The following TMC6 variants were observed in gnomAD, a reference collection of about 807,000 sequenced individuals.
The protein encoded by TMC6 is transmembrane channel-like protein 6.
A neutral mutation model predicts 95.4 loss-of-function variants in TMC6; 71 were observed. That is an observed-to-expected ratio of 0.74 (90% CI 0.61 to 0.91). TMC6 has a LOEUF of 0.91. Among genes scored for constraint, TMC6 ranks in the 40% least tolerant of loss-of-function variants. TMC6 has a pLI of 0.00. For synonymous variants in TMC6, 514 were observed against 483.1 expected (o/e 1.06, Z -0.84); for missense variants, 1,074 against 1,079.1 (o/e 1.00, Z 0.07).
upstream of TMC6, among the ~76,000 whole-genome samples, chr17:78,129,643 G>T (rs983575022): frequency 5.3e-5 from 8 of 152,120 alleles, no homozygotes; most frequent in African/African-American, 1.9e-4. This position sits in a 1 kb window ranked among gnomAD's most constrained non-coding sequence, Gnocchi z 4.3. Flanking sequence ...GCAAGCAAAA[G>T]CGAGGACCAG....
In TMC6 at chr17:78,126,304, G is replaced by T; in HGVS notation, c.244C>A (p.Leu82Met). 1.3e-6 allele frequency: 2 copies of T among 1,565,864 alleles called. No homozygotes were observed. The change falls in exon 4 of 20, where the codon CTG becomes ATG. Residue 82 changes from leucine (L) to methionine (M), a missense_variant. By Grantham distance (15) the Leu-to-Met change is conservative. Coordinates refer to ENST00000590602, the MANE Select transcript of TMC6 (RefSeq NM_001127198.5). Reference sequence around the variant, plus strand: ...ATGGTGCGGCTGGGCATGCTGGCCAGGATGCGGAGTGTGGCCGTGCTCTGG... The same window carrying T: ...ATGGTGCGGCTGGGCATGCTGGCCATGATGCGGAGTGTGGCCGTGCTCTGG... Reference protein sequence around the residue: ...GTQSTATLRILASMPSRTIGR... With the variant: ...GTQSTATLRIMASMPSRTIGR...
In TMC6 at chr17:78,109,523, C is replaced by T. The variant is rs2073782242; in HGVS notation, c.*3625G>A. On this transcript the variant is annotated 3_prime_UTR_variant, in exon 20 of 20. Coordinates refer to ENST00000590602, the MANE Select transcript of TMC6 (RefSeq NM_001127198.5). ...ATCATGAAAACCAGAAGCAGACACT[C>T]AGGAGGCTGAGGCGGGAGGATCACC... The T allele has an allele frequency of 1.1e-5, 5 of 456,518 alleles. No homozygotes were observed. 28.3% of individuals were successfully genotyped at this position (456,518 alleles called of 1,614,324 possible). A position where few individuals can be genotyped will look rare whatever the true frequency, so the allele number is the denominator to read the frequency against.
chr17:78,124,873 G>C lies in TMC6; in HGVS notation c.633+16C>G, dbSNP rs117304514. On this transcript the variant is annotated intron_variant, in intron 7 of 19. Transcript: ENST00000590602. The stretch of plus-strand genomic sequence containing the variant: ...GCCCAGCCGCCCCAGCCCCAGGGCA[G>C]ACCAGGGGCCCATACCAGCACGCAG... 6.3e-7 allele frequency: 1 copy of C among 1,592,536 alleles called. No individual in the cohort carries two copies. Among genetic ancestry groups the C allele is most frequent in the Non-Finnish European group, 8.5e-7 (1 of 1,170,754 alleles).
chr17:78,128,411 T>G lies in TMC6; in HGVS notation c.-75+201A>C, dbSNP rs1055031962. 1.2e-4 allele frequency among the ~76,000 whole-genome samples: 18 copies of G among 151,870 alleles called. No individual in the cohort carries two copies. The highest frequency in any genetic ancestry group is 3.4e-3 in the Middle Eastern group (1 of 294). On this transcript the variant is annotated intron_variant, in intron 1 of 19. Transcript: ENST00000590602. The surrounding 1 kb of genome is among the most constrained non-coding windows in gnomAD (Gnocchi z 4.0). ...GGGCTGCGGATTTTGCTCCCCGCAC[T>G]GTCCTCCCCGCCCCTGCCGCTCCCA...
At position 78,124,787 on chromosome 17, in the gene TMC6, G is replaced by T; in HGVS notation, c.634-6C>A. The T allele has an allele frequency of 1.3e-6, 2 of 1,580,258 alleles. No homozygotes were observed. The highest frequency in any genetic ancestry group is 1.7e-6 in the Non-Finnish European group (2 of 1,163,926). ...AGGCCCAGGCTGTGCAAGGCCTGCG[G>T]GCACAGGCAGAGAGGCCCTGAGGGT... On this transcript the variant is annotated splice_region_variant and splice_polypyrimidine_tract_variant and intron_variant, in intron 7 of 19. Coordinates refer to ENST00000590602, the MANE Select transcript of TMC6 (RefSeq NM_001127198.5).
upstream of TMC6, chr17:78,132,225 G>C: frequency 7.2e-7 from 1 of 1,388,244 alleles, no homozygotes; most frequent in Non-Finnish European, 9.9e-7. Context: ...GTGACTGTCA[G>C]CGGTACCTCC....
chr17:78,123,179 G>A (rs1486463239), intron 9 of TMC6: 8 of 332,836 alleles, frequency 2.4e-5, no homozygotes, highest in Non-Finnish European at 4.1e-5. Flanking sequence ...TCCTTCCCCA[G>A]TGCTCCCATA....
chr17:78,131,753 GC>G (rs2074978519), upstream of TMC6: 2 of 1,573,804 alleles, frequency 1.3e-6, no homozygotes, highest in East Asian at 4.6e-5. Flanking sequence ...TGCCACGCGG[GC>G]GCCAGACGGT....
chr17:78,113,229 C>A lies in TMC6; in HGVS notation c.2355-18G>T. On this transcript the variant is annotated intron_variant, in intron 19 of 19. Transcript: ENST00000590602. ...TCCCAACCCTGCCAGAAAGAGACAT[C>A]ACTGAGGGGACCCCATAAACATCAA... 1 of 1,550,224 alleles carries A rather than the reference C, an allele frequency of 6.5e-7. No individual in the cohort carries two copies. The highest frequency in any genetic ancestry group is 8.7e-7 in the Non-Finnish European group (1 of 1,145,756).
rs149378643 is a variant in TMC6 at position 78,117,519 on chromosome 17, C to G, written c.2147G>C (p.Arg716Pro). 2.5e-6 allele frequency: 4 copies of G among 1,606,028 alleles called. No individual in the cohort carries two copies. The highest frequency in any genetic ancestry group is 2.2e-5 in the East Asian group (1 of 44,566). Reference protein sequence around the residue: ...PRVSWLPWVHRYLMENTFFVF... With the variant: ...PRVSWLPWVHPYLMENTFFVF... ...AAAGAAGGTGTTTTCCATCAGGTAC[C>G]GGTGCACCCAGGGCAGCCAGGAGAC... The change falls in exon 17 of 20, where the codon CGG becomes CCG. Residue 716 changes from arginine to proline, a missense_variant. By Grantham distance (103) the Arg-to-Pro change is moderately radical. Coordinates refer to ENST00000590602, the MANE Select transcript of TMC6 (RefSeq NM_001127198.5).
Position 78,124,984 on chromosome 17 carries a change from C to G in TMC6, c.538G>C (p.Glu180Gln). Residue 180 changes from glutamate (E) to glutamine (Q), a missense_variant and splice_region_variant, in exon 7 of 20, where the codon GAG becomes CAG. Transcript: ENST00000590602. ...TTCCCCCTCGGGGTCCTGCTCTTCTCTCTGGGGACAGAGGCAGCCATAGGT... is the reference window on the plus strand; with the variant it reads ...TTCCCCCTCGGGGTCCTGCTCTTCTGTCTGGGGACAGAGGCAGCCATAGGT... ...LSLAEKRSLR[E>Q]KSRTPRGKWR... is the part of the protein sequence containing the mutation. 2 of 1,587,074 alleles carry G rather than the reference C, an allele frequency of 1.3e-6. No individual in the cohort carries two copies. Among genetic ancestry groups the G allele is most frequent in the Non-Finnish European group, 1.7e-6 (2 of 1,169,664 alleles).
Position 78,121,225 on chromosome 17 carries a change from TAC to T in TMC6, c.1384-63_1384-62del. On this transcript the variant is annotated intron_variant, in intron 11 of 19. Coordinates refer to ENST00000590602, the MANE Select transcript of TMC6 (RefSeq NM_001127198.5). This position sits in a 1 kb window ranked among gnomAD's most constrained non-coding sequence, Gnocchi z 5.6. ...CCCATCCATGGTGGGAGCGGGCAGC[TAC>T]AGGGAAGGGCCCGGGGTGGAACTGG... 1 of 1,544,350 alleles carries T rather than the reference TAC, an allele frequency of 6.5e-7. No individual in the cohort carries two copies. The highest frequency in any genetic ancestry group is 2.4e-5 in the East Asian group (1 of 40,974).
chr17:78,126,982 A>T, intron 1 of TMC6, 76 bp from the exon 2 acceptor site: 12 of 909,346 alleles, frequency 1.3e-5, no homozygotes, highest in Non-Finnish European at 1.7e-5. Flanking sequence ...TTCCTGGGGG[A>T]ACCACAGGAG....
intron 4 of TMC6, 147 bp from the exon 5 acceptor site, chr17:78,126,031 C>A: frequency 1.6e-6 from 2 of 1,257,772 alleles, no homozygotes; most frequent in Non-Finnish European, 2.2e-6. Context: ...CCACTGCATT[C>A]CGAAAGCCTA....
At position 78,125,966 on chromosome 17, in the gene TMC6, G is replaced by A. The variant is rs538258589; in HGVS notation, c.272-82C>T. ...GGATGGGCTCACCACAGGCCTCTGC[G>A]TCCCTCACCCCTTCCCAGGACCCAG... is the stretch of plus-strand genomic sequence containing the variant. On this transcript the variant is annotated intron_variant, in intron 4 of 19. Transcript: ENST00000590602. The A allele has an allele frequency of 7.6e-5, 116 of 1,526,648 alleles. No individual in the cohort carries two copies. In the African/African-American group the frequency reaches 1.1e-3, roughly 14 times the overall value. The allele number at this position is 1,526,648 out of a possible 1,614,324, so 94.6% of individuals were successfully genotyped here. A position where few individuals can be genotyped will look rare whatever the true frequency, so the allele number is the denominator to read the frequency against.
chr17:78,126,506 A>G lies in TMC6; in HGVS notation c.181+18T>C. The G allele has an allele frequency of 6.2e-7, 1 of 1,612,850 alleles. No individual in the cohort carries two copies. Among genetic ancestry groups the G allele is most frequent in the East Asian group, 2.2e-5 (1 of 44,862 alleles). On this transcript the variant is annotated intron_variant, in intron 3 of 19. Coordinates refer to ENST00000590602, the MANE Select transcript of TMC6 (RefSeq NM_001127198.5). ...CAAGTCTTGGTCCACACCACCCAGC[A>G]TCCAGGCCTGAGCTCACCTGTCACC... is the stretch of plus-strand genomic sequence containing the variant.
chr17:78,114,568 C>T (rs1416116935), intron 18 of TMC6, among the ~76,000 whole-genome samples: 5 of 152,036 alleles, frequency 3.3e-5, no homozygotes, highest in African/African-American at 1.2e-4. Context: ...AAACACTGAT[C>T]ATCAGTGCCT....
chr17:78,114,459 G>A (rs901335581), intron 18 of TMC6, among the ~76,000 whole-genome samples: 1 of 152,098 alleles, frequency 6.6e-6, no homozygotes, highest in Admixed American at 6.6e-5. Flanking sequence ...GTCTTAGGAC[G>A]GGGACATCTT....
chr17:78,112,779 C>T lies in TMC6; in HGVS notation c.*369G>A, dbSNP rs138776130. The T allele has an allele frequency of 2.1e-4, 77 of 366,094 alleles. 1 individual carries two copies. The East Asian group carries it at 4.4e-3, about 21-fold the overall frequency. The allele number at this position is 366,094 out of a possible 1,614,324, so 22.7% of individuals were successfully genotyped here. A position where few individuals can be genotyped will look rare whatever the true frequency, so the allele number is the denominator to read the frequency against. ...AGCCCTGGCGCGGTCCAGCCCCTGCCATCTGGGGCTTGGCCAGCAGAGGGC... is the reference window on the plus strand; with the variant it reads ...AGCCCTGGCGCGGTCCAGCCCCTGCTATCTGGGGCTTGGCCAGCAGAGGGC... On this transcript the variant is annotated 3_prime_UTR_variant, in exon 20 of 20. Coordinates refer to ENST00000590602, the MANE Select transcript of TMC6 (RefSeq NM_001127198.5).
Sources: gnomAD v4.1 joint callset for allele counts (sites outside exome capture counted in the v4.1 genomes callset) on GRCh38, gnomAD v4.1.1 for gene constraint, Gnocchi (gnomAD v3.1) non-coding constraint, MANE v1.5 for transcripts, NCBI Gene and HGNC (gene_info 2026-07-23, HGNC 2026-07-21) for gene names.